The following AOPEP variants were observed in gnomAD, a reference collection of about 807,000 sequenced individuals.
AOPEP encodes the protein aminopeptidase O (putative), also known as aminopeptidase O.
In AOPEP, 77 loss-of-function variants were observed where a neutral mutation model predicts 98.1. The observed-to-expected ratio is 0.78, with a 90% CI of 0.65 to 0.95. The LOEUF is 0.95. Among genes scored for constraint, AOPEP ranks in the 40% least tolerant of loss-of-function variants. The pLI, the probability that AOPEP is intolerant of heterozygous loss-of-function variation, is 0.00. For synonymous variants in AOPEP, 346 were observed against 365.3 expected, an observed-to-expected ratio of 0.95 and a Z score of 0.60; for missense variants, 1,024 against 1,024.7, an observed-to-expected ratio of 1.00 and a Z score of 0.01.
chr9:95,098,033 G>A, the AOPEP span, among the ~76,000 whole-genome samples: 5 of 152,122 alleles, frequency 3.3e-5, no homozygotes, highest in African/African-American at 7.2e-5. Context: ...AGAAAAAGGC[G>A]AGGGGAGAAG....
At chr9:94,951,615 G>C (rs73540062) in intron 7 of AOPEP, among the ~76,000 whole-genome samples, 1 of 152,188 alleles carries the variant, frequency 6.6e-6, no homozygotes, top group Non-Finnish European at 1.5e-5. Context: ...AGTTAGAAAC[G>C]AATCTGGCTA....
chr9:95,096,217 T>C, the AOPEP span, among the ~76,000 whole-genome samples: 1 of 152,200 alleles, frequency 6.6e-6, no homozygotes, highest in East Asian at 1.9e-4. Flanking sequence ...CTTTATCTTA[T>C]ACTAAATTCT....
intron 9 of AOPEP, among the ~76,000 whole-genome samples, chr9:94,962,183 C>T (rs1025962242): frequency 8.3e-4 from 126 of 152,224 alleles, no homozygotes; most frequent in African/African-American, 3.0e-3. Flanking sequence ...AATTAATTCC[C>T]TCTCAATTAA....
In AOPEP at chr9:95,029,072, C is replaced by T. The variant is rs144604406; in HGVS notation, c.2115+23456C>T. Among the ~76,000 whole-genome samples the T allele has an allele frequency of 2.1e-3, 325 of 152,302 alleles. 1 individual carries two copies. Among genetic ancestry groups the T allele is most frequent in the African/African-American group, 7.4e-3 (306 of 41,554 alleles). ...GTGCTGTGTGGCATTGAGCTGTCCTCGTTTGCTGAAAACTGATTCTCTCAG... is the reference window on the plus strand; with the variant it reads ...GTGCTGTGTGGCATTGAGCTGTCCTTGTTTGCTGAAAACTGATTCTCTCAG... On this transcript the variant is annotated intron_variant, in intron 13 of 16. Coordinates refer to ENST00000375315, the MANE Select transcript of AOPEP (RefSeq NM_001193329.3).
At chr9:95,081,325 C>T (rs2069740093) in intron 15 of AOPEP, among the ~76,000 whole-genome samples, 1 of 152,236 alleles carries the variant, frequency 6.6e-6, no homozygotes, top group East Asian at 1.9e-4. Flanking sequence ...TTGGCCGCCT[C>T]TGATGTCCGC....
chr9:95,058,736 C>T (rs1206370532), intron 13 of AOPEP, among the ~76,000 whole-genome samples: 1 of 152,138 alleles, frequency 6.6e-6, no homozygotes, highest in African/African-American at 2.4e-5. Flanking sequence ...GGGGAGAGCC[C>T]ACGACTGGGG....
the AOPEP span, chr9:95,100,088 A>G: frequency 4.3e-6 from 1 of 232,438 alleles, no homozygotes; most frequent in South Asian, 1.8e-4. Flanking sequence ...GCTTAAAGTC[A>G]GAACAGGAGA....
Position 94,972,172 on chromosome 9 carries a change from GC to G in AOPEP, c.1916+4373del, listed in dbSNP as rs1407626778. Among the ~76,000 whole-genome samples, 1 of 152,212 alleles carries G rather than the reference GC, an allele frequency of 6.6e-6. No homozygotes were observed. The highest frequency in any genetic ancestry group is 1.5e-5 in the Non-Finnish European group (1 of 68,036). ...AACGGCCAAGGCATACTTTAGAGTT[GC>G]CACAGAAAAGACTTGGTTGACTGGT... On this transcript the variant is annotated intron_variant, in intron 10 of 16. Transcript: ENST00000375315. The surrounding 1 kb of genome is among the most constrained non-coding windows in gnomAD (Gnocchi z 4.2).
the AOPEP span, among the ~76,000 whole-genome samples, chr9:95,136,716 TCAAA>T: frequency 3.3e-5 from 5 of 152,208 alleles, no homozygotes; most frequent in Admixed American, 6.5e-5. Flanking sequence ...ACTCCTGGCC[TCAAA>T]CAATCTTCCT....
At chr9:94,752,726 C>T (rs1169874691) in intron 1 of AOPEP, among the ~76,000 whole-genome samples, 2 of 152,178 alleles carry the variant, frequency 1.3e-5, no homozygotes, top group African/African-American at 2.4e-5. Context: ...TACCATCTTC[C>T]ATGCTTTTCT....
chr9:95,012,444 C>T (rs555216109), intron 13 of AOPEP, among the ~76,000 whole-genome samples: 89 of 152,254 alleles, frequency 5.8e-4, no homozygotes, highest in East Asian at 1.5e-3. Context: ...AGAAAAATTT[C>T]GTGGCTTTTT....
At chr9:95,062,182 G>A (rs960174336) in intron 14 of AOPEP, among the ~76,000 whole-genome samples, 3 of 152,172 alleles carry the variant, frequency 2.0e-5, no homozygotes, top group African/African-American at 7.2e-5. Flanking sequence ...TGAGAAGAAC[G>A]GCTGTGGGTG....
Position 94,972,640 on chromosome 9 carries a change from A to G in AOPEP, c.1916+4839A>G, listed in dbSNP as rs1215763391. ...TACCCAAGCACAAATGAATGTTTTG[A>G]TCAAGAAAATAAATCAGCTGGGCAC... On this transcript the variant is annotated intron_variant, in intron 10 of 16. Transcript: ENST00000375315. This position sits in a 1 kb window ranked among gnomAD's most constrained non-coding sequence, Gnocchi z 4.2. Among the ~76,000 whole-genome samples the G allele has an allele frequency of 6.6e-6, 1 of 152,164 alleles. No individual in the cohort carries two copies. Among genetic ancestry groups the G allele is most frequent in the Non-Finnish European group, 1.5e-5 (1 of 68,032 alleles).
intron 3 of AOPEP, among the ~76,000 whole-genome samples, chr9:94,774,538 G>C (rs2132920860): frequency 6.6e-6 from 1 of 152,044 alleles, no homozygotes; most frequent in African/African-American, 2.4e-5. Flanking sequence ...CACTTATAGT[G>C]TATCTTGAAC....
intron 5 of AOPEP, among the ~76,000 whole-genome samples, chr9:94,848,451 C>A (rs1379814260): frequency 5.6e-3 from 424 of 75,608 alleles, no homozygotes; most frequent in African/African-American, 0.012. Flanking sequence ...GACTCCGTCT[C>A]AAAAAAAAAA....
At chr9:95,044,370 G>A (rs939740330) in intron 13 of AOPEP, among the ~76,000 whole-genome samples, 9 of 151,688 alleles carry the variant, frequency 5.9e-5, no homozygotes, top group African/African-American at 1.9e-4. Context: ...AACTGGCTCC[G>A]CTGGATGCAG....
chr9:95,143,581 T>C, the AOPEP span, among the ~76,000 whole-genome samples: 1 of 152,218 alleles, frequency 6.6e-6, no homozygotes, highest in Non-Finnish European at 1.5e-5. Context: ...CAAATGCACA[T>C]TTCTTATTAT....
chr9:94,969,935 C>G (rs1291582743), intron 10 of AOPEP, among the ~76,000 whole-genome samples: 5 of 152,108 alleles, frequency 3.3e-5, no homozygotes, highest in Non-Finnish European at 5.9e-5. Flanking sequence ...ATGAGACTGT[C>G]TTATAGGCAG....
At chr9:95,054,749 G>A (rs73657046) in intron 13 of AOPEP, among the ~76,000 whole-genome samples, 2,344 of 152,218 alleles carry the variant, frequency 0.015, 65 homozygotes, top group African/African-American at 0.053. Flanking sequence ...TATAAAATGA[G>A]CTATATGAAT....
Sources: allele counts gnomAD v4.1 joint callset (sites outside exome capture counted in the v4.1 genomes callset), GRCh38; gene constraint gnomAD v4.1.1; non-coding constraint Gnocchi (gnomAD v3.1); transcripts MANE v1.5; gene names NCBI Gene and HGNC (gene_info 2026-07-23, HGNC 2026-07-21).